LSM3: variants seen among roughly 807,000 people sequenced by gnomAD.
LSM3 encodes LSM3 homolog, U6 small nuclear RNA and mRNA degradation associated, also known as U6 snRNA-associated Sm-like protein LSm3.
LSM3 carries 14 observed loss-of-function variants against 15.4 expected under a neutral mutation model. The ratio of observed to expected loss-of-function variants is 0.91; its 90% CI spans 0.60 to 1.42. The LOEUF (loss-of-function observed/expected upper bound fraction) is 1.42. Among genes scored for constraint, LSM3 ranks in the 40% most tolerant of loss-of-function variants. The pLI is 0.00. For synonymous variants in LSM3, 46 were observed against 45.1 expected (o/e 1.02, Z -0.08); for missense variants, 88 against 127.9 (o/e 0.69, Z 1.50).
rs11925757 is a variant in LSM3, at chr3:14,200,481, G to A, written c.*2365G>A. ...GCACTCGGCTCCAGCCAGCTGGATG[G>A]CAGGTGGTCAGTGGAGCTGGTGACT... On this transcript the variant is annotated 3_prime_UTR_variant, in exon 4 of 4. Coordinates refer to ENST00000306024, the MANE Select transcript of LSM3 (RefSeq NM_014463.3). The A allele has an allele frequency of 0.15, 22,801 of 152,376 alleles. 3,044 individuals are homozygous for A. The highest frequency in any genetic ancestry group is 0.58 in the East Asian group (3,000 of 5,148). 9.4% of individuals were successfully genotyped at this position (152,376 alleles called of 1,614,324 possible). A position where few individuals can be genotyped will look rare whatever the true frequency, so the allele number is the denominator to read the frequency against.
intron 3 of LSM3, among the ~76,000 whole-genome samples, chr3:14,194,920 G>A (rs1287793094): frequency 6.6e-6 from 1 of 151,896 alleles, no homozygotes; most frequent in African/African-American, 2.4e-5. Context: ...AGACAGCCCA[G>A]GGGAGATTCC....
chr3:14,182,915 C>G (rs1697053423), intron 2 of LSM3, among the ~76,000 whole-genome samples: 1 of 152,186 alleles, frequency 6.6e-6, no homozygotes, highest in Admixed American at 6.5e-5. Context: ...TCCACAAAAC[C>G]TAAAGATAAA....
At chr3:14,179,638 G>A (rs752258239) in intron 1 of LSM3, among the ~76,000 whole-genome samples, 2 of 152,114 alleles carry the variant, frequency 1.3e-5, no homozygotes, top group Non-Finnish European at 2.9e-5. Context: ...TGTTTAATGT[G>A]AATCTCTCCC....
At chr3:14,185,797 A>T (rs1019364663) in intron 3 of LSM3, among the ~76,000 whole-genome samples, 1 of 152,228 alleles carries the variant, frequency 6.6e-6, no homozygotes, top group Non-Finnish European at 1.5e-5. Context: ...TGATTTGGTT[A>T]CATCAGGCAC....
In LSM3 at chr3:14,198,061, T is replaced by A. The variant is rs1697201913; in HGVS notation, c.254T>A (p.Leu85His). Residue 85 changes from leucine (L) to histidine (H), a missense_variant, in exon 4 of 4, where the codon CTC becomes CAC. Physicochemically the swap from Leu to His is moderately conservative, Grantham distance 99. Coordinates refer to ENST00000306024, the MANE Select transcript of LSM3 (RefSeq NM_014463.3). ...TCAACGAAACGGAATATTCCAATGC[T>A]CTTTGTCCGGGGAGATGGCGTTGTC... ...YKSTKRNIPM[L>H]FVRGDGVVLV... 6.2e-7 allele frequency: 1 copy of A among 1,613,760 alleles called. No individual in the cohort carries two copies. The highest frequency in any genetic ancestry group is 8.5e-7 in the Non-Finnish European group (1 of 1,179,816).
chr3:14,178,932 C>G, intron 1 of LSM3, 51 bp downstream of exon 1: 1 of 1,604,248 alleles, frequency 6.2e-7, no homozygotes, highest in Non-Finnish European at 8.5e-7. Flanking sequence ...TACTAGGCTG[C>G]TTTTTCCAGA....
Position 14,199,107 on chromosome 3 carries a change from C to T in LSM3, c.*991C>T, listed in dbSNP as rs541443667. On this transcript the variant is annotated 3_prime_UTR_variant, in exon 4 of 4. Transcript: ENST00000306024. ...GGCCTGATTTAATTCTAAGGTCAGA[C>T]GTTCAGCTTGATCATAACCTGTTTA... is the stretch of plus-strand genomic sequence containing the variant. The T allele has an allele frequency of 2.6e-5, 4 of 152,272 alleles. No homozygotes were observed. Among genetic ancestry groups the T allele is most frequent in the Non-Finnish European group, 2.9e-5 (2 of 68,030 alleles). 9.4% of individuals were successfully genotyped at this position (152,272 alleles called of 1,614,324 possible). A position where few individuals can be genotyped will look rare whatever the true frequency, so the allele number is the denominator to read the frequency against.
At chr3:14,190,025 G>T (rs566499432) in intron 3 of LSM3, among the ~76,000 whole-genome samples, 2 of 152,258 alleles carry the variant, frequency 1.3e-5, no homozygotes, top group South Asian at 4.1e-4. Context: ...TAGCTAGCCA[G>T]TTTTCCCAAC....
At chr3:14,182,768 A>T (rs993585335) in intron 2 of LSM3, among the ~76,000 whole-genome samples, 1 of 152,254 alleles carries the variant, frequency 6.6e-6, no homozygotes, top group Admixed American at 6.5e-5. Context: ...ATGATGATAC[A>T]TACTAATTAT....
At chr3:14,185,528 T>C (rs1697080966) in intron 3 of LSM3, among the ~76,000 whole-genome samples, 2 of 152,236 alleles carry the variant, frequency 1.3e-5, no homozygotes, top group African/African-American at 2.4e-5. Context: ...TTCTCATATC[T>C]TTTTTCTGCG....
chr3:14,198,178 C>A lies in LSM3; in HGVS notation c.*62C>A. On this transcript the variant is annotated 3_prime_UTR_variant, in exon 4 of 4. Coordinates refer to ENST00000306024, the MANE Select transcript of LSM3 (RefSeq NM_014463.3). ...TTGTACAGTGGCCTCTCTAAAAGTACAAAACATTCATAAGAGAAACCTGCA... is the reference window on the plus strand; with the variant it reads ...TTGTACAGTGGCCTCTCTAAAAGTAAAAAACATTCATAAGAGAAACCTGCA... The A allele has an allele frequency of 1.7e-6, 2 of 1,205,670 alleles. No homozygotes were observed. The highest frequency in any genetic ancestry group is 1.5e-5 in the African/African-American group (1 of 66,722). 74.7% of individuals were successfully genotyped at this position (1,205,670 alleles called of 1,614,324 possible). A position where few individuals can be genotyped will look rare whatever the true frequency, so the allele number is the denominator to read the frequency against.
At chr3:14,187,509 A>C (rs1357357624) in intron 3 of LSM3, among the ~76,000 whole-genome samples, 5 of 152,204 alleles carry the variant, frequency 3.3e-5, no homozygotes, top group African/African-American at 7.2e-5. Context: ...ATAGAAAGCA[A>C]AGACAGTGAT....
intron 3 of LSM3, among the ~76,000 whole-genome samples, chr3:14,185,489 G>T (rs1030692461): frequency 6.6e-6 from 1 of 152,128 alleles, no homozygotes; most frequent in Admixed American, 6.5e-5. Flanking sequence ...TCTCTTTAAT[G>T]CCCCGCTTAA....
chr3:14,184,096 C>T (rs1480006756), intron 3 of LSM3, 64 bp downstream of exon 3: 4 of 1,513,844 alleles, frequency 2.6e-6, no homozygotes, highest in Admixed American at 4.4e-5. Flanking sequence ...AACAGCTTAA[C>T]CCATATTTAT....
At chr3:14,191,405 T>C (rs1697138471) in intron 3 of LSM3, among the ~76,000 whole-genome samples, 1 of 152,224 alleles carries the variant, frequency 6.6e-6, no homozygotes, top group African/African-American at 2.4e-5. Flanking sequence ...TGTGAATCTG[T>C]CTGGTCCTGG....
chr3:14,182,583 G>GT (rs113242978), intron 2 of LSM3, among the ~76,000 whole-genome samples: 22 of 152,164 alleles, frequency 1.4e-4, no homozygotes, highest in African/African-American at 5.3e-4. Context: ...AACCCTGAAG[G>GT]TTTTGCCTCT....
chr3:14,179,011 C>T (rs1696974781), intron 1 of LSM3, 130 bp downstream of exon 1: 1 of 990,186 alleles, frequency 1.0e-6, no homozygotes, highest in Non-Finnish European at 1.5e-6. Context: ...CTGTCCTTTC[C>T]GTAACCCCCC....
In LSM3 at chr3:14,198,677, G is replaced by C. The variant is rs1697207505; in HGVS notation, c.*561G>C. On this transcript the variant is annotated 3_prime_UTR_variant, in exon 4 of 4. Transcript: ENST00000306024. ...CGTTTGAGACCAGCCTGGCCAACAT[G>C]GTGAAACCCTTTCTCTACTGAAAAT... 1 of 152,694 alleles carries C rather than the reference G, an allele frequency of 6.5e-6. No homozygotes were observed. The highest frequency in any genetic ancestry group is 6.5e-5 in the Admixed American group (1 of 15,336). 9.5% of individuals were successfully genotyped at this position (152,694 alleles called of 1,614,324 possible). A position where few individuals can be genotyped will look rare whatever the true frequency, so the allele number is the denominator to read the frequency against.
In LSM3 at chr3:14,178,844, G is replaced by A. The variant is rs370559430; in HGVS notation, c.-17G>A. On this transcript the variant is annotated 5_prime_UTR_variant, in exon 1 of 4. Coordinates refer to ENST00000306024, the MANE Select transcript of LSM3 (RefSeq NM_014463.3). Reference sequence around the variant, plus strand: ...TGTGTTCTCGCGAGAGGCGGGAAAGGGCGCAGGGTTTGAAACATGGCGGAC... The same window carrying A: ...TGTGTTCTCGCGAGAGGCGGGAAAGAGCGCAGGGTTTGAAACATGGCGGAC... 4.5e-5 allele frequency: 72 copies of A among 1,614,224 alleles called. No homozygotes were observed. In the African/African-American group the frequency reaches 9.3e-4, roughly 21 times the overall value.
Sources: allele counts gnomAD v4.1 joint callset (sites outside exome capture counted in the v4.1 genomes callset), GRCh38; gene constraint gnomAD v4.1.1; transcripts MANE v1.5; gene names NCBI Gene and HGNC (gene_info 2026-07-23, HGNC 2026-07-21).